Variants in PRR16 observed in about 807,000 individuals in gnomAD.
PRR16 encodes proline rich 16.
A neutral mutation model predicts 18.2 loss-of-function variants in PRR16; 6 were observed. The observed-to-expected ratio is 0.33, with a 90% CI of 0.18 to 0.65. The LOEUF (loss-of-function observed/expected upper bound fraction) is 0.65, where lower values mean the gene tolerates loss of function less well. Among genes scored for constraint, PRR16 ranks in the 30% least tolerant of loss-of-function variants. The pLI is 0.74. For missense variants in PRR16, 412 were observed against 376.6 expected (o/e 1.09, Z -0.78); for synonymous variants, 151 against 147.8 (o/e 1.02, Z -0.16).
chr5:120,780,829 A>G, the PRR16 span, among the ~76,000 whole-genome samples: 1 of 152,082 alleles, frequency 6.6e-6, no homozygotes, highest in Non-Finnish European at 1.5e-5. Flanking sequence ...GGCGGGGGGA[A>G]TCGCGAGGTC....
the PRR16 span, among the ~76,000 whole-genome samples, chr5:120,710,299 T>A: frequency 6.6e-5 from 10 of 152,250 alleles, no homozygotes; most frequent in East Asian, 1.9e-3. Context: ...CATACAAGGC[T>A]TTTTAAAAAA....
the PRR16 span, among the ~76,000 whole-genome samples, chr5:120,703,701 G>A: frequency 1.3e-5 from 2 of 152,154 alleles, no homozygotes; most frequent in Non-Finnish European, 2.9e-5. Context: ...ATTGGAGTGA[G>A]ATTTGAAAAT....
intron 1 of PRR16, among the ~76,000 whole-genome samples, chr5:120,669,062 G>A (rs1183635014): frequency 1.3e-5 from 2 of 152,102 alleles, no homozygotes; most frequent in Non-Finnish European, 1.5e-5. Flanking sequence ...TTTCTAATGT[G>A]CCATAAGAGG....
At chr5:120,605,662 T>C (rs906981673) in intron 1 of PRR16, among the ~76,000 whole-genome samples, 3 of 152,222 alleles carry the variant, frequency 2.0e-5, no homozygotes, top group African/African-American at 7.2e-5. Context: ...ACCTTTAATC[T>C]TTGAAGTTTT....
intron 1 of PRR16, among the ~76,000 whole-genome samples, chr5:120,519,267 G>T (rs1751096062): frequency 1.3e-5 from 2 of 151,982 alleles, no homozygotes; most frequent in Admixed American, 6.6e-5. Context: ...ATAATAAATT[G>T]TATCAGTTAC....
intron 1 of PRR16, among the ~76,000 whole-genome samples, chr5:120,679,603 G>T (rs188891091): frequency 6.6e-6 from 1 of 152,202 alleles, no homozygotes; most frequent in East Asian, 1.9e-4. Context: ...GCATCTGAAA[G>T]ATTTACTTAT....
At chr5:120,736,099 A>C in the PRR16 span, among the ~76,000 whole-genome samples, 1 of 152,204 alleles carries the variant, frequency 6.6e-6, no homozygotes, top group Admixed American at 6.5e-5. Context: ...AATAGGCTTG[A>C]CACCCTTGTC....
chr5:120,549,783 C>A (rs778900230), intron 1 of PRR16, among the ~76,000 whole-genome samples: 46 of 152,088 alleles, frequency 3.0e-4, no homozygotes, highest in Non-Finnish European at 6.3e-4. Flanking sequence ...ATTAATTTAA[C>A]AAATGCTTTT....
intron 1 of PRR16, among the ~76,000 whole-genome samples, chr5:120,522,668 C>T (rs1052670411): frequency 2.6e-5 from 4 of 152,144 alleles, no homozygotes; most frequent in African/African-American, 4.8e-5. Context: ...TGCAGTGGCA[C>T]GATCTTGGCT....
the PRR16 span, among the ~76,000 whole-genome samples, chr5:120,783,859 T>TC: frequency 1.3e-5 from 2 of 152,036 alleles, no homozygotes; most frequent in African/African-American, 4.8e-5. Flanking sequence ...AACCCCTTTT[T>TC]CCCCCCATTC....
chr5:120,612,391 T>C (rs1359005425), intron 1 of PRR16, among the ~76,000 whole-genome samples: 1 of 152,170 alleles, frequency 6.6e-6, no homozygotes, highest in Non-Finnish European at 1.5e-5. Flanking sequence ...GGTTTAGCTG[T>C]GTTCTGCCCA....
At chr5:120,543,306 C>T (rs924580354) in intron 1 of PRR16, among the ~76,000 whole-genome samples, 22 of 152,066 alleles carry the variant, frequency 1.4e-4, no homozygotes, top group Non-Finnish European at 2.8e-4. Flanking sequence ...AAGAGTGTGG[C>T]ATTTGGTGAG....
At position 120,686,001 on chromosome 5, in the gene PRR16, T is replaced by G. The variant is rs373002843; in HGVS notation, c.207T>G (p.Asp69Glu). Reference protein sequence around the residue: ...DTLTSDLQLEDEMTDSSKTDT... With the variant: ...DTLTSDLQLEEEMTDSSKTDT... ...TGACCTCTGACCTACAGCTGGAGGATGAGATGACTGACAGCTCCAAAACGG... is the reference window on the plus strand; with the variant it reads ...TGACCTCTGACCTACAGCTGGAGGAGGAGATGACTGACAGCTCCAAAACGG... The change falls in exon 2 of 2, where the codon GAT becomes GAG. Residue 69 changes from aspartate (D) to glutamate (E), a missense_variant. Transcript: ENST00000407149. 25 of 1,613,958 alleles carry G rather than the reference T, an allele frequency of 1.5e-5. No homozygotes were observed. The highest frequency in any genetic ancestry group is 9.3e-5 in the African/African-American group (7 of 74,926).
chr5:120,605,274 T>G (rs1418249193), intron 1 of PRR16, among the ~76,000 whole-genome samples: 1 of 152,216 alleles, frequency 6.6e-6, no homozygotes, highest in Non-Finnish European at 1.5e-5. Flanking sequence ...CTACTTGAGT[T>G]GATTCATAGG....
intron 1 of PRR16, among the ~76,000 whole-genome samples, chr5:120,527,030 C>G (rs566701452): frequency 9.9e-5 from 15 of 152,280 alleles, no homozygotes; most frequent in Non-Finnish European, 1.9e-4. Context: ...CTCCTCCCCC[C>G]AGGTCCTGCT....
intron 1 of PRR16, among the ~76,000 whole-genome samples, chr5:120,544,712 C>G (rs1752021869): frequency 1.3e-5 from 2 of 152,076 alleles, no homozygotes; most frequent in African/African-American, 2.4e-5. Context: ...AATGGGTTGA[C>G]TTATTTTTGT....
the PRR16 span, among the ~76,000 whole-genome samples, chr5:120,784,478 A>G: frequency 6.6e-6 from 1 of 152,182 alleles, no homozygotes; most frequent in African/African-American, 2.4e-5. Context: ...CATATTTTGT[A>G]TATGCCTGTT....
At chr5:120,789,054 C>G in the PRR16 span, among the ~76,000 whole-genome samples, 2 of 151,850 alleles carry the variant, frequency 1.3e-5, no homozygotes, top group African/African-American at 4.8e-5. Flanking sequence ...TGGGGTTTGC[C>G]TAACCCCAAA....
intron 1 of PRR16, among the ~76,000 whole-genome samples, chr5:120,502,807 AAACT>A (rs1735160209): frequency 6.6e-6 from 1 of 152,188 alleles, no homozygotes; most frequent in Non-Finnish European, 1.5e-5. Context: ...TAACTCCAAC[AAACT>A]ATGGGTCTAT....
Sources: allele counts gnomAD v4.1 joint callset (sites outside exome capture counted in the v4.1 genomes callset), GRCh38; gene constraint gnomAD v4.1.1; transcripts MANE v1.5; gene names NCBI Gene and HGNC (gene_info 2026-07-23, HGNC 2026-07-21).